Variants in ZNF227 observed in about 807,000 individuals in gnomAD.
ZNF227 encodes zinc finger protein 227.
Under a neutral mutation model 13.2 loss-of-function variants are expected in ZNF227, and 12 were observed. That is an observed-to-expected ratio of 0.91 (90% CI 0.58 to 1.47). The LOEUF (loss-of-function observed/expected upper bound fraction) is 1.47, where lower values mean the gene tolerates loss of function less well. Among genes scored for constraint, ZNF227 ranks in the 40% most tolerant of loss-of-function variants. The pLI, the probability that ZNF227 is intolerant of heterozygous loss-of-function variation, is 0.00. For missense variants in ZNF227, 885 were observed against 967.5 expected (o/e 0.91, Z 1.13); for synonymous variants, 338 against 326.0 (o/e 1.04, Z -0.40).
intron 3 of ZNF227, among the ~76,000 whole-genome samples, chr19:44,221,196 C>A (rs1244032241): frequency 1.3e-5 from 2 of 152,094 alleles, no homozygotes; most frequent in African/African-American, 4.8e-5. Context: ...ATGATGAGTT[C>A]ATGTCCTTTG....
chr19:44,235,286 A>C lies in ZNF227; in HGVS notation c.856A>C (p.Thr286Pro), dbSNP rs780348448. 2.5e-6 allele frequency: 4 copies of C among 1,614,022 alleles called. No individual in the cohort carries two copies. The African/African-American group carries it at 5.3e-5, about 22-fold the overall frequency. The change falls in exon 6 of 6, where the codon ACT (threonine) becomes CCT (proline). Residue 286 changes from threonine to proline, a missense_variant. By Grantham distance (38) the Thr-to-Pro change is conservative (BLOSUM62 -1). Coordinates refer to ENST00000313040, the MANE Select transcript of ZNF227 (RefSeq NM_182490.3). The part of the protein sequence containing the change: ...KCFSQSSHLR[T>P]HQRIHPGEKL... The stretch of plus-strand genomic sequence containing the variant: ...CTTCAGTCAAAGCTCACATCTGCGA[A>C]CTCATCAGAGAATTCACCCAGGAGA...
Position 44,236,098 on chromosome 19 carries a change from C to G in ZNF227, c.1668C>G (p.Asp556Glu), listed in dbSNP as rs1345715193. The change falls in exon 6 of 6, where the codon GAC (aspartate) becomes GAG (glutamate). Residue 556 changes from aspartate (D) to glutamate (E), a missense_variant. Transcript: ENST00000313040. ...KPYRCDVCGK[D>E]FSYSSNLKLH... Reference sequence around the variant, plus strand: ...ATAGATGTGATGTGTGTGGTAAGGACTTCAGTTATAGTTCAAATCTTAAAC... The same window carrying G: ...ATAGATGTGATGTGTGTGGTAAGGAGTTCAGTTATAGTTCAAATCTTAAAC... 1.2e-6 allele frequency: 2 copies of G among 1,614,046 alleles called. No homozygotes were observed. The highest frequency in any genetic ancestry group is 3.3e-5 in the Admixed American group (2 of 60,004).
rs757811288 is a variant in ZNF227, at chr19:44,236,239, C to G, written c.1809C>G (p.Pro603=). The G allele has an allele frequency of 5.0e-6, 8 of 1,613,822 alleles. No homozygotes were observed. The highest frequency in any genetic ancestry group is 6.8e-6 in the Non-Finnish European group (8 of 1,179,990). ...AHQRVHSGEK[P]YKCEQCDKSF... ...AAAGAGTTCACTCAGGAGAAAAACC[C>G]TATAAATGTGAGCAGTGTGATAAGA... Residue 603 remains proline (P), a synonymous_variant, in exon 6 of 6, where the codon CCC becomes CCG. Transcript: ENST00000313040.
rs746447785 is a variant in ZNF227, at chr19:44,236,537, C to T, written c.2107C>T (p.Leu703Phe). 6.2e-7 allele frequency: 1 copy of T among 1,614,016 alleles called. No homozygotes were observed. The highest frequency in any genetic ancestry group is 8.5e-7 in the Non-Finnish European group (1 of 1,179,976). The change falls in exon 6 of 6, where the codon CTT becomes TTT. Residue 703 changes from leucine (L) to phenylalanine (F), a missense_variant. Transcript: ENST00000313040. ...GAAAGGCTTTGGTAGGAGCTTGAAT[C>T]TTCGCCATCATCAGAGGGTCCACAC... ...CGKGFGRSLN[L>F]RHHQRVHTGE...
chr19:44,215,621 T>C (rs1400486819), intron 2 of ZNF227, among the ~76,000 whole-genome samples: 1 of 152,082 alleles, frequency 6.6e-6, no homozygotes, highest in Admixed American at 6.6e-5. Flanking sequence ...AAAAATATTC[T>C]CTTTCTTAGC....
Position 44,221,986 on chromosome 19 carries a change from A to G in ZNF227, c.60+4134A>G, listed in dbSNP as rs890302686. ...AGTTTCAGCTTTCTACATATGGCTAACCAGTTTTCCCAGCATCATTTATTA... is the reference window on the plus strand; with the variant it reads ...AGTTTCAGCTTTCTACATATGGCTAGCCAGTTTTCCCAGCATCATTTATTA... On this transcript the variant is annotated intron_variant, in intron 3 of 5. Coordinates refer to ENST00000313040, the MANE Select transcript of ZNF227 (RefSeq NM_182490.3). 4.0e-4 allele frequency among the ~76,000 whole-genome samples: 61 copies of G among 152,268 alleles called. 1 individual carries two copies. The South Asian group carries it at 6.6e-3, about 17-fold the overall frequency.
chr19:44,236,869 A>T lies in ZNF227; in HGVS notation c.*39A>T. ...GTTACCAACTTTTGTCTGAATGCACATCTTCAAGTTTTTGGCTAGTCCATG... is the reference window on the plus strand; with the variant it reads ...GTTACCAACTTTTGTCTGAATGCACTTCTTCAAGTTTTTGGCTAGTCCATG... On this transcript the variant is annotated 3_prime_UTR_variant, in exon 6 of 6. Transcript: ENST00000313040. 1 of 1,516,312 alleles carries T rather than the reference A, an allele frequency of 6.6e-7. No individual in the cohort carries two copies. Among genetic ancestry groups the T allele is most frequent in the Non-Finnish European group, 8.8e-7 (1 of 1,131,216 alleles). The allele number at this position is 1,516,312 out of a possible 1,614,324, so 93.9% of individuals were successfully genotyped here. A position where few individuals can be genotyped will look rare whatever the true frequency, so the allele number is the denominator to read the frequency against.
chr19:44,229,875 T>G (rs1973603639), intron 5 of ZNF227, 59 bp downstream of exon 5: 1 of 1,274,872 alleles, frequency 7.8e-7, no homozygotes, highest in African/African-American at 1.5e-5. Flanking sequence ...AGTCTGCATC[T>G]TACCATGTCC....
At chr19:44,208,608 A>G (rs1971265643), upstream of ZNF227, among the ~76,000 whole-genome samples, 2 of 152,236 alleles carry the variant, frequency 1.3e-5, no homozygotes, top group South Asian at 4.1e-4. Flanking sequence ...AAATGCTCTA[A>G]GAAAAAGAAG....
intron 5 of ZNF227, 42 bp from the exon 6 acceptor site, chr19:44,234,660 C>T (rs781081647): frequency 1.3e-6 from 2 of 1,495,538 alleles, no homozygotes; most frequent in Non-Finnish European, 1.8e-6. Context: ...AAAGCATTTA[C>T]TGCCCTCATC....
chr19:44,215,637 C>G (rs139656835), intron 2 of ZNF227, among the ~76,000 whole-genome samples: 183 of 151,952 alleles, frequency 1.2e-3, no homozygotes, highest in Middle Eastern at 6.8e-3. Context: ...TTAGCAAATA[C>G]TAAACTTAAT....
upstream of ZNF227, among the ~76,000 whole-genome samples, chr19:44,208,063 A>G (rs1000591925): frequency 1.6e-4 from 24 of 152,374 alleles, no homozygotes; most frequent in South Asian, 4.1e-4. Context: ...CACACAATGT[A>G]GAAAAGAAAG....
chr19:44,225,623 C>A (rs909955919), intron 3 of ZNF227, among the ~76,000 whole-genome samples: 6 of 152,158 alleles, frequency 3.9e-5, no homozygotes, highest in Non-Finnish European at 8.8e-5. Flanking sequence ...TCCATCAGCT[C>A]CTTTAAGCAC....
At chr19:44,227,937 A>G (rs1003543957) in intron 3 of ZNF227, among the ~76,000 whole-genome samples, 1 of 152,092 alleles carries the variant, frequency 6.6e-6, no homozygotes, top group Non-Finnish European at 1.5e-5. Context: ...AACGTTAAAA[A>G]CAATGATAGG....
At chr19:44,231,552 C>T (rs1214334942) in intron 5 of ZNF227, among the ~76,000 whole-genome samples, 2 of 152,006 alleles carry the variant, frequency 1.3e-5, no homozygotes, top group Non-Finnish European at 2.9e-5. Flanking sequence ...AGGCTGGTCT[C>T]GAACTCCTGA....
At chr19:44,216,172 G>A (rs531457148) in intron 2 of ZNF227, among the ~76,000 whole-genome samples, 12 of 150,726 alleles carry the variant, frequency 8.0e-5, no homozygotes, top group African/African-American at 2.9e-4. Context: ...ATTGCTTTTT[G>A]CAGTCCATCT....
At position 44,235,975 on chromosome 19, in the gene ZNF227, TG is replaced by T; in HGVS notation, c.1549del (p.Glu517ArgfsTer52). The T allele has an allele frequency of 6.2e-7, 1 of 1,612,920 alleles. No individual in the cohort carries two copies. Among genetic ancestry groups the T allele is most frequent in the South Asian group, 1.1e-5 (1 of 91,034 alleles). On this transcript the variant is annotated frameshift_variant, in exon 6 of 6. Transcript: ENST00000313040. LOFTEE classifies it low-confidence loss of function (END_TRUNC). ...TTCAAGTCCATCAGAATGTCCACAC[TG>T]GGGAGAAACGATTCAAGTGTGAAAC... ...NLQVHQNVHT[G>X]EKRFKCETCG... is the part of the protein sequence containing the mutation.
intron 1 of ZNF227, 145 bp downstream of exon 1, chr19:44,212,730 C>T (rs1310107830): frequency 6.6e-6 from 1 of 152,258 alleles, no homozygotes; most frequent in Admixed American, 6.5e-5. Context: ...AGTTTGCTCT[C>T]CTCCCGCACT....
At chr19:44,233,042 G>T (rs1974013196) in intron 5 of ZNF227, among the ~76,000 whole-genome samples, 1 of 152,032 alleles carries the variant, frequency 6.6e-6, no homozygotes, top group Non-Finnish European at 1.5e-5. Context: ...CATCTCTTGG[G>T]GGTGGGGTGT....
Sources: gnomAD v4.1 joint callset for allele counts (sites outside exome capture counted in the v4.1 genomes callset) on GRCh38, gnomAD v4.1.1 for gene constraint, MANE v1.5 for transcripts, NCBI Gene and HGNC (gene_info 2026-07-23, HGNC 2026-07-21) for gene names.